The following CSMD1 variants were observed in gnomAD, a reference collection of about 807,000 sequenced individuals.
CSMD1 encodes the protein CUB and sushi domain-containing protein 1.
CSMD1 carries 213 observed loss-of-function variants against 417.5 expected under a neutral mutation model. The observed-to-expected ratio is 0.51, with a 90% CI of 0.46 to 0.57. The LOEUF (loss-of-function observed/expected upper bound fraction) is 0.57. Ranked by LOEUF, CSMD1 falls within the 20% of genes least tolerant of loss-of-function variation. CSMD1 has a pLI of 0.00. For missense variants in CSMD1, 6,923 were observed against 4,529.7 expected (o/e 1.53, Z -15.17); for synonymous variants, 2,862 against 1,736.8 (o/e 1.65, Z -16.11).
intron 5 of CSMD1, among the ~76,000 whole-genome samples, chr8:3,984,187 T>G (rs1011007670): frequency 2.0e-5 from 3 of 152,198 alleles, no homozygotes; most frequent in Non-Finnish European, 2.9e-5. Flanking sequence ...GTCAGGAACC[T>G]CTCAGACTGC....
At chr8:3,562,130 C>T (rs531279358) in intron 10 of CSMD1, among the ~76,000 whole-genome samples, 8 of 113,108 alleles carry the variant, frequency 7.1e-5, no homozygotes, top group Non-Finnish European at 1.0e-4. Context: ...GAAAATCCAA[C>T]CCACAAAAAA....
chr8:3,882,627 T>C (rs536483120), intron 5 of CSMD1, among the ~76,000 whole-genome samples: 1 of 152,158 alleles, frequency 6.6e-6, no homozygotes, highest in South Asian at 2.1e-4. Context: ...AACTGAAAAT[T>C]ATGTAATTGC....
At chr8:4,489,539 G>A (rs1801592038) in intron 2 of CSMD1, among the ~76,000 whole-genome samples, 1 of 152,210 alleles carries the variant, frequency 6.6e-6, no homozygotes, top group Non-Finnish European at 1.5e-5. Flanking sequence ...CAATGATTGT[G>A]TGGCAGACAG....
At chr8:4,294,423 T>G (rs1440077008) in intron 3 of CSMD1, among the ~76,000 whole-genome samples, 1 of 152,156 alleles carries the variant, frequency 6.6e-6, no homozygotes, top group Non-Finnish European at 1.5e-5. Context: ...CTAATGTTTA[T>G]CAGACACTTC....
At position 4,146,593 on chromosome 8, in the gene CSMD1, CATTTTTTTT is replaced by C. The variant is rs1356415511; in HGVS notation, c.416-114503_416-114495del. 4.8e-3 allele frequency among the ~76,000 whole-genome samples: 439 copies of C among 90,688 alleles called. 51 individuals are homozygous for C. Among genetic ancestry groups the C allele is most frequent in the African/African-American group, 0.012 (227 of 19,664 alleles). The allele number at this position is 90,688 out of a possible 152,430, so 59.5% of individuals were successfully genotyped here. On this transcript the variant is annotated intron_variant, in intron 3 of 69. Transcript: ENST00000635120. The stretch of plus-strand genomic sequence containing the variant: ...ATCTGTCTAAATGTTTATATGGACA[CATTTTTTTT>C]TTTTTTTTTTTTTTTTTTTTTTTTT...
intron 1 of CSMD1, among the ~76,000 whole-genome samples, chr8:4,746,588 T>C (rs1233467239): frequency 2.0e-5 from 3 of 152,200 alleles, no homozygotes; most frequent in Non-Finnish European, 4.4e-5. Context: ...TGATCTATTC[T>C]AGCGAGCATG....
intron 3 of CSMD1, among the ~76,000 whole-genome samples, chr8:4,368,600 C>G (rs1358110704): frequency 6.6e-6 from 1 of 152,002 alleles, no homozygotes; most frequent in Non-Finnish European, 1.5e-5. Context: ...TACATTTGGT[C>G]CAGGACTTTT....
At chr8:3,275,541 T>C (rs1802217889) in intron 26 of CSMD1, among the ~76,000 whole-genome samples, 1 of 152,250 alleles carries the variant, frequency 6.6e-6, no homozygotes, top group African/African-American at 2.4e-5. Context: ...CTTGGTTCCA[T>C]TGTCCCTGTC....
intron 3 of CSMD1, among the ~76,000 whole-genome samples, chr8:4,211,337 C>T (rs1161277232): frequency 6.6e-6 from 1 of 151,808 alleles, no homozygotes; most frequent in East Asian, 1.9e-4. Flanking sequence ...TGTTAAATTT[C>T]TTTACATTTC....
At chr8:3,361,650 T>TG (rs1809182609) in intron 20 of CSMD1, among the ~76,000 whole-genome samples, 1 of 9,652 alleles carries the variant, frequency 1.0e-4, no homozygotes, top group African/African-American at 2.9e-4. Flanking sequence ...AGATTCCATC[T>TG]CAAAAAAAAA....
intron 1 of CSMD1, among the ~76,000 whole-genome samples, chr8:4,955,772 C>T (rs574096998): frequency 7.5e-4 from 35 of 46,386 alleles, no homozygotes; most frequent in Middle Eastern, 8.9e-3. Flanking sequence ...TTCCAAACTG[C>T]ATGTTAGGTG....
At chr8:3,145,076 T>A (rs1818763257) in intron 40 of CSMD1, among the ~76,000 whole-genome samples, 1 of 147,154 alleles carries the variant, frequency 6.8e-6, no homozygotes, top group Admixed American at 6.8e-5. Flanking sequence ...TGCATTTGTG[T>A]GTCTGTGTGC....
intron 3 of CSMD1, among the ~76,000 whole-genome samples, chr8:4,347,086 T>A (rs1196965318): frequency 6.6e-6 from 1 of 152,128 alleles, no homozygotes; most frequent in Non-Finnish European, 1.5e-5. Context: ...CTCCTATTCT[T>A]TGACCCCTCA....
At chr8:4,271,746 T>A (rs1804612471) in intron 3 of CSMD1, among the ~76,000 whole-genome samples, 1 of 152,278 alleles carries the variant, frequency 6.6e-6, no homozygotes, top group African/African-American at 2.4e-5. Flanking sequence ...ATTAATATAC[T>A]TATACATATA....
At chr8:4,082,026 T>A (rs761250745) in intron 3 of CSMD1, among the ~76,000 whole-genome samples, 2 of 151,840 alleles carry the variant, frequency 1.3e-5, no homozygotes, top group South Asian at 2.1e-4. Context: ...AAAAGGCAAA[T>A]AGAGAAATTA....
At chr8:3,990,232 T>G (rs745660731) in intron 5 of CSMD1, among the ~76,000 whole-genome samples, 1 of 152,200 alleles carries the variant, frequency 6.6e-6, no homozygotes, top group Non-Finnish European at 1.5e-5. Flanking sequence ...GTTGATGAAA[T>G]ACATTTTAAT....
rs556904071 is a variant in CSMD1, at chr8:3,142,477, G to C, written c.6229C>G (p.Leu2077Val). ...DHSQNRQGFK[L>V]AYQAYELQNC... ...TGTTGTTCCATACCTTGGTAAGCAA[G>C]TTTAAATCCTTGCCGGTTTTGCGAA... Residue 2077 changes from leucine to valine, a missense_variant, in exon 41 of 70, where the codon CTT becomes GTT. Physicochemically the swap from Leu to Val is conservative, Grantham distance 32 (BLOSUM62 1). Transcript: ENST00000635120. The C allele has an allele frequency of 1.7e-5, 27 of 1,613,556 alleles. 1 individual carries two copies. Among genetic ancestry groups the C allele is most frequent in the Middle Eastern group, 1.7e-4 (1 of 6,042 alleles).
At chr8:4,027,632 T>C (rs1199277947) in intron 4 of CSMD1, among the ~76,000 whole-genome samples, 1 of 152,192 alleles carries the variant, frequency 6.6e-6, no homozygotes, top group African/African-American at 2.4e-5. Context: ...CTTTTCTTTA[T>C]AAATTACCCA....
chr8:3,895,356 AAC>A (rs1807289425), intron 5 of CSMD1, among the ~76,000 whole-genome samples: 1 of 152,218 alleles, frequency 6.6e-6, no homozygotes, highest in Non-Finnish European at 1.5e-5. Flanking sequence ...GACAATTTAT[AAC>A]ACAAGGGAAA....
Sources: allele counts gnomAD v4.1 joint callset (sites outside exome capture counted in the v4.1 genomes callset), GRCh38; gene constraint gnomAD v4.1.1; transcripts MANE v1.5; gene names NCBI Gene and HGNC (gene_info 2026-07-23, HGNC 2026-07-21).